ITFG1: variants seen among roughly 807,000 people sequenced by gnomAD.
ITFG1 encodes the protein T-cell immunomodulatory protein.
In ITFG1, 34 loss-of-function variants were observed where a neutral mutation model predicts 81.8. The ratio of observed to expected loss-of-function variants is 0.42; its 90% confidence interval spans 0.32 to 0.55. ITFG1 has a LOEUF of 0.55. Ranked by LOEUF, ITFG1 falls within the 20% of genes least tolerant of loss-of-function variation. The pLI, the probability that ITFG1 is intolerant of heterozygous loss-of-function variation, is 0.17. For missense variants in ITFG1, 672 were observed against 755.4 expected (o/e 0.89, Z 1.29); for synonymous variants, 285 against 270.6 (o/e 1.05, Z -0.52).
rs148749705 is a variant in ITFG1, at chr16:47,305,454, T to C, written c.1070+5786A>G. ...GGCAGAGAGACAAGGAGGGCAGACCTACAACTTCCCTCATGTGTTCTAATA... is the reference window on the plus strand; with the variant it reads ...GGCAGAGAGACAAGGAGGGCAGACCCACAACTTCCCTCATGTGTTCTAATA... On this transcript the variant is annotated intron_variant, in intron 10 of 17. Coordinates refer to ENST00000320640, the MANE Select transcript of ITFG1 (RefSeq NM_030790.5). Among the ~76,000 whole-genome samples the C allele has an allele frequency of 7.9e-4, 120 of 152,190 alleles. 1 individual carries two copies. The highest frequency in any genetic ancestry group is 2.7e-3 in the African/African-American group (114 of 41,550).
intron 6 of ITFG1, among the ~76,000 whole-genome samples, chr16:47,379,937 G>A (rs1372704891): frequency 6.7e-6 from 1 of 150,076 alleles, no homozygotes; most frequent in Non-Finnish European, 1.5e-5. Flanking sequence ...AGGGTAATTA[G>A]ACAGCTATTG....
chr16:47,171,029 CT>C (rs61494352), intron 14 of ITFG1, among the ~76,000 whole-genome samples: 71,035 of 97,724 alleles, frequency 0.73, 25,619 homozygotes, highest in East Asian at 0.91. Context: ...GCCACTGTGC[CT>C]TTTTTTTTTT....
chr16:47,340,549 A>G (rs1166038184), intron 8 of ITFG1, among the ~76,000 whole-genome samples: 1 of 152,208 alleles, frequency 6.6e-6, no homozygotes, highest in Non-Finnish European at 1.5e-5. Flanking sequence ...GCAAAAAGAA[A>G]TGAGAAAAGA....
chr16:47,356,496 C>G (rs1021343217), intron 8 of ITFG1, among the ~76,000 whole-genome samples: 17 of 152,128 alleles, frequency 1.1e-4, no homozygotes, highest in Non-Finnish European at 2.4e-4. Flanking sequence ...TAAAAGGGAA[C>G]TGTCTTGCTA....
chr16:47,312,999 C>T (rs1470965518), intron 9 of ITFG1: 22 of 152,080 alleles, frequency 1.4e-4, no homozygotes, highest in Admixed American at 1.4e-3. Context: ...ACAGGTATAA[C>T]AGTTAAATGT....
At chr16:47,313,860 C>T in intron 8 of ITFG1, 37 bp from the exon 9 acceptor site, 2 of 1,204,330 alleles carry the variant, frequency 1.7e-6, no homozygotes, top group Non-Finnish European at 1.2e-6. Flanking sequence ...TTAATAGTCA[C>T]AAAATAAAGT....
chr16:47,410,094 T>G (rs1001557665), intron 6 of ITFG1, among the ~76,000 whole-genome samples: 4 of 152,094 alleles, frequency 2.6e-5, no homozygotes, highest in African/African-American at 9.7e-5. Context: ...GCCAACATAG[T>G]GAGGCCTCGT....
chr16:47,434,454 A>G (rs1162258708), intron 5 of ITFG1, among the ~76,000 whole-genome samples: 1 of 152,202 alleles, frequency 6.6e-6, no homozygotes, highest in African/African-American at 2.4e-5. Context: ...AAAAAAGCTC[A>G]ACATCACTGA....
chr16:47,200,500 A>G (rs915929484), intron 14 of ITFG1, among the ~76,000 whole-genome samples: 1 of 152,238 alleles, frequency 6.6e-6, no homozygotes, highest in African/African-American at 2.4e-5. Flanking sequence ...TTCCTACATT[A>G]TATTTTTAGA....
At chr16:47,346,414 G>C (rs1489920385) in intron 8 of ITFG1, among the ~76,000 whole-genome samples, 1 of 152,140 alleles carries the variant, frequency 6.6e-6, no homozygotes, top group Non-Finnish European at 1.5e-5. Context: ...ATGGGTTACA[G>C]CAGAAGCAGT....
chr16:47,397,606 G>A (rs932861948), intron 6 of ITFG1, among the ~76,000 whole-genome samples: 3 of 152,188 alleles, frequency 2.0e-5, no homozygotes, highest in Non-Finnish European at 4.4e-5. Context: ...GATAGTAGAA[G>A]CCAGGTATGG....
rs547272822 is a variant in ITFG1, at chr16:47,327,006, C to T, written c.803-13183G>A. Among the ~76,000 whole-genome samples the T allele has an allele frequency of 6.9e-3, 1,050 of 152,188 alleles. 13 individuals are homozygous for T. Among genetic ancestry groups the T allele is most frequent in the African/African-American group, 0.024 (977 of 41,514 alleles). On this transcript the variant is annotated intron_variant, in intron 8 of 17. Coordinates refer to ENST00000320640, the MANE Select transcript of ITFG1 (RefSeq NM_030790.5). Reference sequence around the variant, plus strand: ...GTGCATATGGAACCAAAAAAGAGCCCGCATCGCCAAGTCAATCCTAAGCCA... The same window carrying T: ...GTGCATATGGAACCAAAAAAGAGCCTGCATCGCCAAGTCAATCCTAAGCCA...
At chr16:47,244,137 AG>A (rs1333295043) in intron 12 of ITFG1, among the ~76,000 whole-genome samples, 11 of 152,374 alleles carry the variant, frequency 7.2e-5, no homozygotes, top group African/African-American at 2.6e-4. Flanking sequence ...GTTCAAAAAC[AG>A]GGCCTTATGC....
chr16:47,402,307 A>G (rs1336819628), intron 6 of ITFG1, among the ~76,000 whole-genome samples: 1 of 152,260 alleles, frequency 6.6e-6, no homozygotes, highest in Non-Finnish European at 1.5e-5. Flanking sequence ...CTATAAGTAT[A>G]TATCTGTAAA....
intron 2 of ITFG1, among the ~76,000 whole-genome samples, chr16:47,456,970 T>C (rs1385094875): frequency 6.6e-6 from 1 of 152,076 alleles, no homozygotes; most frequent in African/African-American, 2.4e-5. Flanking sequence ...AAATTAAGGG[T>C]ATGTACATAG....
chr16:47,202,304 G>C (rs1421168417), intron 14 of ITFG1: 2 of 152,120 alleles, frequency 1.3e-5, no homozygotes, highest in East Asian at 3.8e-4. Context: ...AAGTAGTTTA[G>C]GAAAGGAGAA....
chr16:47,158,161 C>T (rs1023586820), intron 17 of ITFG1, among the ~76,000 whole-genome samples: 2 of 152,112 alleles, frequency 1.3e-5, no homozygotes, highest in Non-Finnish European at 2.9e-5. Context: ...GTGGTACAAT[C>T]GCAGCTCACT....
intron 8 of ITFG1, among the ~76,000 whole-genome samples, chr16:47,341,033 G>T (rs760392561): frequency 2.0e-5 from 3 of 152,002 alleles, no homozygotes; most frequent in Non-Finnish European, 4.4e-5. Flanking sequence ...AGCAATAGCA[G>T]AAGAGAAACA....
At chr16:47,341,740 G>T (rs931699130) in intron 8 of ITFG1, among the ~76,000 whole-genome samples, 1 of 152,012 alleles carries the variant, frequency 6.6e-6, no homozygotes, top group Admixed American at 6.6e-5. Flanking sequence ...ATGAAAGTGG[G>T]TACATTACTG....
Sources: allele counts gnomAD v4.1 joint callset (sites outside exome capture counted in the v4.1 genomes callset), GRCh38; gene constraint gnomAD v4.1.1; transcripts MANE v1.5; gene names NCBI Gene and HGNC (gene_info 2026-07-23, HGNC 2026-07-21).